HSPA13: variants seen among roughly 807,000 people sequenced by gnomAD.
HSPA13 encodes the protein heat shock protein family A (Hsp70) member 13.
In HSPA13, 29 loss-of-function variants were observed where a neutral mutation model predicts 38.8. The ratio of observed to expected loss-of-function variants is 0.75; its 90% CI spans 0.56 to 1.02. The LOEUF is 1.02. HSPA13 is among the 50% of genes least tolerant of loss of function. The probability of loss-of-function intolerance (pLI) is 0.00; values close to 1 mark genes in which losing one functional copy is unlikely to be tolerated. For synonymous variants in HSPA13, 192 were observed against 205.3 expected, an observed-to-expected ratio of 0.94 and a Z score of 0.56; for missense variants, 451 against 560.9, an observed-to-expected ratio of 0.80 and a Z score of 1.98.
chr21:14,380,485 C>T (rs1984140466), intron 2 of HSPA13, among the ~76,000 whole-genome samples: 1 of 151,910 alleles, frequency 6.6e-6, no homozygotes, highest in African/African-American at 2.4e-5. Flanking sequence ...CTATTTTTCA[C>T]TTATCTGACT....
At position 14,372,054 on chromosome 21, in the gene HSPA13, C is replaced by T. The variant is rs1256116969; in HGVS notation, c.*1563G>A. 1 of 152,316 alleles carries T rather than the reference C, an allele frequency of 6.6e-6. No individual in the cohort carries two copies. Among genetic ancestry groups the T allele is most frequent in the South Asian group, 2.1e-4 (1 of 4,822 alleles). 9.4% of individuals were successfully genotyped at this position (152,316 alleles called of 1,614,324 possible). ...GAAATTTGTGTTTTAACAGCAATTT[C>T]ATTGCTAAGAATTTTTTTTTAGATA... is the stretch of plus-strand genomic sequence containing the variant. On this transcript the variant is annotated 3_prime_UTR_variant, in exon 5 of 5. Coordinates refer to ENST00000285667, the MANE Select transcript of HSPA13 (RefSeq NM_006948.5).
At position 14,371,898 on chromosome 21, in the gene HSPA13, T is replaced by C. The variant is rs1982835243; in HGVS notation, c.*1719A>G. 1 of 152,544 alleles carries C rather than the reference T, an allele frequency of 6.6e-6. No homozygotes were observed. 9.4% of individuals were successfully genotyped at this position (152,544 alleles called of 1,614,324 possible). A position where few individuals can be genotyped will look rare whatever the true frequency, so the allele number is the denominator to read the frequency against. ...AAAGTCCAAGAGAACATGTGAAATATTTTCATAATGCAGTGAAGGATTCAT... is the reference window on the plus strand; with the variant it reads ...AAAGTCCAAGAGAACATGTGAAATACTTTCATAATGCAGTGAAGGATTCAT... On this transcript the variant is annotated 3_prime_UTR_variant, in exon 5 of 5. Coordinates refer to ENST00000285667, the MANE Select transcript of HSPA13 (RefSeq NM_006948.5).
At chr21:14,378,459 C>T in intron 2 of HSPA13, 47 bp from the exon 3 acceptor site, 6 of 1,173,762 alleles carry the variant, frequency 5.1e-6, no homozygotes, top group Non-Finnish European at 7.6e-6. Context: ...AGAGTAAAAG[C>T]ATACAGACAT....
Position 14,372,368 on chromosome 21 carries a change from T to TA in HSPA13, c.*1248dup, listed in dbSNP as rs1298063849. On this transcript the variant is annotated 3_prime_UTR_variant, in exon 5 of 5. Transcript: ENST00000285667. Reference sequence around the variant, plus strand: ...ATGGGTATGACAGAAATCAAACTGTTATATTTTCTTTCTTGGTCCCTGTGG... The same window carrying TA: ...ATGGGTATGACAGAAATCAAACTGTTAATATTTTCTTTCTTGGTCCCTGTGG... The TA allele has an allele frequency of 7.2e-5, 11 of 152,094 alleles. No homozygotes were observed. Among genetic ancestry groups the TA allele is most frequent in the African/African-American group, 2.7e-4 (11 of 41,462 alleles). The allele number at this position is 152,094 out of a possible 1,614,324, so 9.4% of individuals were successfully genotyped here.
chr21:14,378,079 A>G, intron 3 of HSPA13, 120 bp downstream of exon 3: 1 of 702,198 alleles, frequency 1.4e-6, no homozygotes, highest in South Asian at 1.8e-5. Flanking sequence ...TACACCTACC[A>G]TATAGTTTGT....
chr21:14,378,508 C>T (rs868644620), intron 2 of HSPA13, 96 bp from the exon 3 acceptor site: 2 of 758,994 alleles, frequency 2.6e-6, no homozygotes, highest in Admixed American at 2.8e-5. Flanking sequence ...GAGAACTTAC[C>T]CTTATCTTTA....
In HSPA13 at chr21:14,374,217, A is replaced by T; in HGVS notation, c.816T>A (p.Tyr272Ter). ...TAGAGGGCACGAAGCCATATGTTTG[A>T]TAGATCTGTTTATATAAGTACTGAA... is the stretch of plus-strand genomic sequence containing the variant. ...RLLQYLYKQI[Y>*]QTYGFVPSRK... The change falls in exon 5 of 5, where the codon TAT becomes TAA. Residue 272 changes from tyrosine to a stop codon, truncating the protein, a stop_gained. Transcript: ENST00000285667. LOFTEE classifies it high-confidence loss of function. 6.2e-7 allele frequency: 1 copy of T among 1,613,008 alleles called. No homozygotes were observed. The highest frequency in any genetic ancestry group is 8.5e-7 in the Non-Finnish European group (1 of 1,179,988).
At chr21:14,381,071 T>C in intron 2 of HSPA13, 132 bp downstream of exon 2, 1 of 679,434 alleles carries the variant, frequency 1.5e-6, no homozygotes, top group Admixed American at 2.9e-5. Flanking sequence ...AATTTCTGGT[T>C]ATGTGAGATA....
intron 4 of HSPA13, among the ~76,000 whole-genome samples, chr21:14,374,811 A>G (rs1983979267): frequency 6.6e-6 from 1 of 152,218 alleles, no homozygotes; most frequent in Admixed American, 6.5e-5. Flanking sequence ...GCTTCTTATA[A>G]TGAAAAAGTA....
At chr21:14,375,301 A>C (rs1293295852) in intron 4 of HSPA13, among the ~76,000 whole-genome samples, 1 of 152,178 alleles carries the variant, frequency 6.6e-6, no homozygotes, top group East Asian at 1.9e-4. Context: ...TGCGACTTAT[A>C]GGATGCCCAG....
intron 4 of HSPA13, among the ~76,000 whole-genome samples, chr21:14,374,507 G>A (rs7276170): frequency 0.76 from 114,982 of 152,012 alleles, 43,951 homozygotes; most frequent in African/African-American, 0.84. Context: ...AGGTGGGAGG[G>A]TTGCTTGAGG....
At position 14,383,099 on chromosome 21, in the gene HSPA13, G is replaced by C; in HGVS notation, c.21C>G (p.Ile7Met). The C allele has an allele frequency of 6.2e-7, 1 of 1,614,066 alleles. No homozygotes were observed. Among genetic ancestry groups the C allele is most frequent in the Non-Finnish European group, 8.5e-7 (1 of 1,180,002 alleles). Reference sequence around the variant, plus strand: ...CAAGGACCCCCGGGAACCCACCTAAGATCGTCATCTCTCTGGCCATCACAG... The same window carrying C: ...CAAGGACCCCCGGGAACCCACCTAACATCGTCATCTCTCTGGCCATCACAG... Reference protein sequence around the residue: MAREMTILGSAVLTLLL... With the variant: MAREMTMLGSAVLTLLL... The change falls in exon 1 of 5, where the codon ATC becomes ATG. Residue 7 changes from isoleucine to methionine, a missense_variant. Coordinates refer to ENST00000285667, the MANE Select transcript of HSPA13 (RefSeq NM_006948.5).
intron 4 of HSPA13, among the ~76,000 whole-genome samples, chr21:14,374,924 GAA>G (rs1455965492): frequency 6.6e-6 from 1 of 151,682 alleles, no homozygotes; most frequent in East Asian, 1.9e-4. Context: ...AATTTCAAAG[GAA>G]AAGAGTAGTG....
chr21:14,377,337 T>TA (rs1378924921), intron 3 of HSPA13, among the ~76,000 whole-genome samples: 1 of 152,212 alleles, frequency 6.6e-6, no homozygotes, highest in Non-Finnish European at 1.5e-5. Flanking sequence ...AGATTTTACT[T>TA]AAAAAATTAT....
intron 3 of HSPA13, among the ~76,000 whole-genome samples, chr21:14,376,367 C>A (rs1984027955): frequency 6.6e-6 from 1 of 151,984 alleles, no homozygotes; most frequent in African/African-American, 2.4e-5. Flanking sequence ...GAGCCGAGAT[C>A]GCGCCACTGT....
chr21:14,374,574 A>T (rs1188215033), intron 4 of HSPA13, among the ~76,000 whole-genome samples: 2 of 152,326 alleles, frequency 1.3e-5, no homozygotes, highest in South Asian at 4.1e-4. Context: ...TATAAAATAA[A>T]TCAATAAATA....
intron 3 of HSPA13, among the ~76,000 whole-genome samples, chr21:14,376,305 A>C (rs1323392315): frequency 3.3e-5 from 5 of 152,094 alleles, no homozygotes; most frequent in Non-Finnish European, 7.4e-5. Flanking sequence ...CCCAGCTACT[A>C]GGGAGGCTGA....
chr21:14,375,466 T>C (rs1169904808), intron 4 of HSPA13, among the ~76,000 whole-genome samples, 186 bp downstream of exon 4: 1 of 151,174 alleles, frequency 6.6e-6, no homozygotes, highest in Non-Finnish European at 1.5e-5. Flanking sequence ...CCAAACCTCT[T>C]CAACTCTCCC....
rs983848084 is a variant in HSPA13, at chr21:14,373,239, G to T, written c.*378C>A. 3 of 175,208 alleles carry T rather than the reference G, an allele frequency of 1.7e-5. No individual in the cohort carries two copies. The highest frequency in any genetic ancestry group is 3.7e-5 in the Non-Finnish European group (3 of 81,106). The allele number at this position is 175,208 out of a possible 1,614,324, so 10.9% of individuals were successfully genotyped here. A position where few individuals can be genotyped will look rare whatever the true frequency, so the allele number is the denominator to read the frequency against. On this transcript the variant is annotated 3_prime_UTR_variant, in exon 5 of 5. Transcript: ENST00000285667. ...ATAATACAAGTAATTACCAGCTCCT[G>T]CTAATACAATTTAGTAAGAACTGGG...
Sources: allele counts gnomAD v4.1 joint callset (sites outside exome capture counted in the v4.1 genomes callset), GRCh38; gene constraint gnomAD v4.1.1; transcripts MANE v1.5; gene names NCBI Gene and HGNC (gene_info 2026-07-23, HGNC 2026-07-21).